The following CADM4 variants were observed in gnomAD, a reference collection of about 807,000 sequenced individuals.
The protein encoded by CADM4 is TSLC1-like 2.
A neutral mutation model predicts 43.9 loss-of-function variants in CADM4; 13 were observed. The observed-to-expected ratio is 0.30, with a 90% CI of 0.19 to 0.47. The LOEUF (loss-of-function observed/expected upper bound fraction) is 0.47. CADM4 is among the 20% of genes least tolerant of loss of function. The pLI, the probability that CADM4 is intolerant of heterozygous loss-of-function variation, is 1.00. For synonymous variants in CADM4, 209 were observed against 220.9 expected, an observed-to-expected ratio of 0.95 and a Z score of 0.48; for missense variants, 420 against 527.0, an observed-to-expected ratio of 0.80 and a Z score of 1.99.
At chr19:43,641,433 T>C (rs1397060666), upstream of CADM4, among the ~76,000 whole-genome samples, 1 of 151,876 alleles carries the variant, frequency 6.6e-6, no homozygotes, top group African/African-American at 2.4e-5. Context: ...TGGCTCCCAG[T>C]GTCTTCTCTG....
chr19:43,627,720 A>C lies in CADM4; in HGVS notation c.135T>G (p.Arg45=). The change falls in exon 2 of 9, where the codon CGT becomes CGG. Residue 45 remains arginine, a synonymous_variant. Coordinates refer to ENST00000222374, the MANE Select transcript of CADM4 (RefSeq NM_145296.2). This position sits in a 1 kb window ranked among gnomAD's most constrained non-coding sequence, Gnocchi z 4.0. ...CTATGGACCCATCATACTGGTGCAG[A>C]CGGCAGGTGATCTCAGCCACCCCAC... is the stretch of plus-strand genomic sequence containing the variant. ...AEGGVAEITC[R]LHQYDGSIVV... is the part of the protein sequence containing the mutation. The C allele has an allele frequency of 6.2e-7, 1 of 1,614,074 alleles. No homozygotes were observed. The highest frequency in any genetic ancestry group is 8.5e-7 in the Non-Finnish European group (1 of 1,179,980).
intron 1 of CADM4, among the ~76,000 whole-genome samples, chr19:43,638,302 T>A (rs528385022): frequency 6.8e-4 from 104 of 152,302 alleles, no homozygotes; most frequent in African/African-American, 2.4e-3. Context: ...GAGTTCAACA[T>A]CCTCACTTTA....
In CADM4 at chr19:43,639,797, G is replaced by GCCC; in HGVS notation, c.-8_-7insGGG. On this transcript the variant is annotated 5_prime_UTR_variant, in exon 1 of 9. Transcript: ENST00000222374. ...AGCGCCGGGCCCGGCCCATGGTGCCGCCGCCGCCGCCGCCGCCGCTCGCTC... is the reference window on the plus strand; with the variant it reads ...AGCGCCGGGCCCGGCCCATGGTGCCGCCCCCGCCGCCGCCGCCGCCGCTCGCTC... 1 of 997,058 alleles carries GCCC rather than the reference G, an allele frequency of 1.0e-6. No homozygotes were observed. The highest frequency in any genetic ancestry group is 1.2e-6 in the Non-Finnish European group (1 of 841,620). The allele number at this position is 997,058 out of a possible 1,614,324, so 61.8% of individuals were successfully genotyped here. A position where few individuals can be genotyped will look rare whatever the true frequency, so the allele number is the denominator to read the frequency against.
chr19:43,640,543 C>T (rs2146168572), upstream of CADM4, among the ~76,000 whole-genome samples: 1 of 152,038 alleles, frequency 6.6e-6, no homozygotes, highest in Non-Finnish European at 1.5e-5. Flanking sequence ...CTGAAAACCC[C>T]GTGTTTCCGC....
chr19:43,629,056 C>T (rs1238344594), intron 1 of CADM4, among the ~76,000 whole-genome samples: 1 of 152,238 alleles, frequency 6.6e-6, no homozygotes, highest in African/African-American at 2.4e-5. Flanking sequence ...TGATACAATA[C>T]ATAATTAGGC....
At position 43,626,748 on chromosome 19, in the gene CADM4, C is replaced by A; in HGVS notation, c.499+36G>T. Reference sequence around the variant, plus strand: ...AAACAACCTCTCCTAAGTCCCACCTCCTCCCCATCCCTTGTCAGCACTCGG... The same window carrying A: ...AAACAACCTCTCCTAAGTCCCACCTACTCCCCATCCCTTGTCAGCACTCGG... On this transcript the variant is annotated intron_variant, in intron 4 of 8. Transcript: ENST00000222374. The surrounding 1 kb of genome is among the most constrained non-coding windows in gnomAD (Gnocchi z 5.9). The A allele has an allele frequency of 1.3e-6, 2 of 1,530,168 alleles. No homozygotes were observed. The highest frequency in any genetic ancestry group is 1.2e-5 in the South Asian group (1 of 80,146). 94.8% of individuals were successfully genotyped at this position (1,530,168 alleles called of 1,614,324 possible).
Position 43,626,669 on chromosome 19 carries a change from A to G in CADM4, c.499+115T>C. On this transcript the variant is annotated intron_variant, in intron 4 of 8. Coordinates refer to ENST00000222374, the MANE Select transcript of CADM4 (RefSeq NM_145296.2). This position sits in a 1 kb window ranked among gnomAD's most constrained non-coding sequence, Gnocchi z 5.9. ...TGAGCCACCGCGCTCGACATCAACC[A>G]CTACATATTGAATGTCCAGTGTCTG... The G allele has an allele frequency of 1.5e-6, 2 of 1,354,312 alleles. No individual in the cohort carries two copies. Among genetic ancestry groups the G allele is most frequent in the South Asian group, 3.1e-5 (2 of 65,238 alleles). 83.9% of individuals were successfully genotyped at this position (1,354,312 alleles called of 1,614,324 possible).
In CADM4 at chr19:43,626,344, C is replaced by A; in HGVS notation, c.500-56G>T. ...CACAATTCCGGCTCCATCCACCCAC[C>A]CACCCGAGCCAACGCCAAAGCAGGC... On this transcript the variant is annotated intron_variant, in intron 4 of 8. Coordinates refer to ENST00000222374, the MANE Select transcript of CADM4 (RefSeq NM_145296.2). The surrounding 1 kb of genome is among the most constrained non-coding windows in gnomAD (Gnocchi z 5.9). 9 of 1,584,732 alleles carry A rather than the reference C, an allele frequency of 5.7e-6. No homozygotes were observed. Among genetic ancestry groups the A allele is most frequent in the Non-Finnish European group, 7.7e-6 (9 of 1,166,624 alleles).
At chr19:43,636,533 A>G (rs977255195) in intron 1 of CADM4, among the ~76,000 whole-genome samples, 1 of 152,110 alleles carries the variant, frequency 6.6e-6, no homozygotes, top group Non-Finnish European at 1.5e-5. Flanking sequence ...ACAGGCGGAA[A>G]TCAGTGGGTG....
chr19:43,625,069 T>G lies in CADM4; in HGVS notation c.928+9A>C. ...CCCCCGCCCTCAGTCGGCCGCAGCCTGCTCTCACCGTAGACCACAAGTACG... is the reference window on the plus strand; with the variant it reads ...CCCCCGCCCTCAGTCGGCCGCAGCCGGCTCTCACCGTAGACCACAAGTACG... On this transcript the variant is annotated intron_variant, in intron 7 of 8. Coordinates refer to ENST00000222374, the MANE Select transcript of CADM4 (RefSeq NM_145296.2). The surrounding 1 kb of genome is among the most constrained non-coding windows in gnomAD (Gnocchi z 4.5). 8.2e-7 allele frequency: 1 copy of G among 1,214,556 alleles called. No individual in the cohort carries two copies. Among genetic ancestry groups the G allele is most frequent in the Non-Finnish European group, 1.1e-6 (1 of 929,454 alleles). The allele number at this position is 1,214,556 out of a possible 1,614,324, so 75.2% of individuals were successfully genotyped here. A position where few individuals can be genotyped will look rare whatever the true frequency, so the allele number is the denominator to read the frequency against.
At chr19:43,624,598 C>T (rs1158524045) in intron 7 of CADM4, among the ~76,000 whole-genome samples, 2 of 152,198 alleles carry the variant, frequency 1.3e-5, no homozygotes, top group Admixed American at 6.5e-5. Flanking sequence ...AGCGACCGCA[C>T]CCAGCCATCC....
At chr19:43,635,976 C>T (rs985433532) in intron 1 of CADM4, among the ~76,000 whole-genome samples, 6 of 150,888 alleles carry the variant, frequency 4.0e-5, no homozygotes, top group African/African-American at 1.5e-4. Flanking sequence ...GACCCTAGCT[C>T]CCTCCTCCTT....
intron 1 of CADM4, among the ~76,000 whole-genome samples, chr19:43,639,377 G>A (rs184916029): frequency 2.0e-5 from 3 of 151,342 alleles, no homozygotes; most frequent in African/African-American, 7.3e-5. Context: ...GGAGCCAGAC[G>A]GGGGGGTTCA....
At chr19:43,635,693 A>G (rs1973692573) in intron 1 of CADM4, among the ~76,000 whole-genome samples, 1 of 147,036 alleles carries the variant, frequency 6.8e-6, no homozygotes, top group African/African-American at 2.5e-5. Flanking sequence ...CCTCAGACTC[A>G]GGAGTCTAAG....
In CADM4 at chr19:43,625,308, G is replaced by A. The variant is rs1485553482; in HGVS notation, c.756-58C>T. The A allele has an allele frequency of 6.6e-7, 1 of 1,524,956 alleles. No homozygotes were observed. The highest frequency in any genetic ancestry group is 1.2e-5 in the South Asian group (1 of 83,516). The allele number at this position is 1,524,956 out of a possible 1,614,324, so 94.5% of individuals were successfully genotyped here. A position where few individuals can be genotyped will look rare whatever the true frequency, so the allele number is the denominator to read the frequency against. ...AACCGAGGTGCCAGCACCCAATTCT[G>A]ACTTGTCAAGAATCTAGACATGCAA... On this transcript the variant is annotated intron_variant, in intron 6 of 8. Coordinates refer to ENST00000222374, the MANE Select transcript of CADM4 (RefSeq NM_145296.2). The surrounding 1 kb of genome is among the most constrained non-coding windows in gnomAD (Gnocchi z 4.5).
chr19:43,625,022 G>GC lies in CADM4; in HGVS notation c.928+55dup, dbSNP rs1973499449. On this transcript the variant is annotated intron_variant, in intron 7 of 8. Coordinates refer to ENST00000222374, the MANE Select transcript of CADM4 (RefSeq NM_145296.2). This position sits in a 1 kb window ranked among gnomAD's most constrained non-coding sequence, Gnocchi z 4.5. ...TATGTGGCCTCTTTGCTCAAGCCCC[G>GC]CCCCCGCCACCTGGCGCCCCGCCCC... 9.4e-5 allele frequency: 21 copies of GC among 223,566 alleles called. No homozygotes were observed. Among genetic ancestry groups the GC allele is most frequent in the South Asian group, 5.2e-4 (8 of 15,444 alleles). The allele number at this position is 223,566 out of a possible 1,614,324, so 13.8% of individuals were successfully genotyped here.
intron 1 of CADM4, among the ~76,000 whole-genome samples, chr19:43,635,806 C>A (rs1438788150): frequency 7.3e-6 from 1 of 136,728 alleles, no homozygotes; most frequent in Non-Finnish European, 1.5e-5. Context: ...CCCTCAGACC[C>A]AGGAGTCTAA....
chr19:43,641,850 C>T (rs74500805), upstream of CADM4, among the ~76,000 whole-genome samples: 1,374 of 152,278 alleles, frequency 9.0e-3, 22 homozygotes, highest in African/African-American at 0.031. Flanking sequence ...CAAGGGGTAA[C>T]TAGTAGTTGC....
At chr19:43,624,070 C>T (rs1057426665) in intron 8 of CADM4, 44 bp downstream of exon 8, 18 of 1,610,236 alleles carry the variant, frequency 1.1e-5, no homozygotes, top group Middle Eastern at 3.3e-4. Flanking sequence ...CTTTCCGAGC[C>T]CTACAACCAA....
Sources: allele counts gnomAD v4.1 joint callset (sites outside exome capture counted in the v4.1 genomes callset), GRCh38; gene constraint gnomAD v4.1.1; non-coding constraint Gnocchi (gnomAD v3.1); transcripts MANE v1.5; gene names NCBI Gene and HGNC (gene_info 2026-07-23, HGNC 2026-07-21).